The following TCF12 variants were observed in gnomAD, a reference collection of about 807,000 sequenced individuals.
The protein encoded by TCF12 is transcription factor 12.
A neutral mutation model predicts 86.0 loss-of-function variants in TCF12; 45 were observed. That is an observed-to-expected ratio of 0.52 (90% CI 0.41 to 0.67). The LOEUF (loss-of-function observed/expected upper bound fraction) is 0.67. TCF12 is among the 30% of genes least tolerant of loss of function. The pLI, the probability that TCF12 is intolerant of heterozygous loss-of-function variation, is 0.00. For synonymous variants in TCF12, 330 were observed against 299.6 expected (o/e 1.10, Z -1.05); for missense variants, 881 against 859.9 (o/e 1.02, Z -0.31).
Position 57,288,931 on chromosome 15 carries a change from G to A in TCF12, c.*2786G>A, listed in dbSNP as rs553602560. The A allele has an allele frequency of 3.3e-5, 5 of 152,198 alleles. No homozygotes were observed. Among genetic ancestry groups the A allele is most frequent in the African/African-American group, 9.6e-5 (4 of 41,526 alleles). The allele number at this position is 152,198 out of a possible 1,614,324, so 9.4% of individuals were successfully genotyped here. A position where few individuals can be genotyped will look rare whatever the true frequency, so the allele number is the denominator to read the frequency against. ...CTCACAAAAAAAGTGTCATAATTAA[G>A]TAATGGTATTGTTTACTGTTTAAAA... On this transcript the variant is annotated 3_prime_UTR_variant, in exon 21 of 21. Coordinates refer to ENST00000333725, the MANE Select transcript of TCF12 (RefSeq NM_207037.2).
At chr15:57,223,643 G>GTTTT (rs550493641) in intron 8 of TCF12, among the ~76,000 whole-genome samples, 5 of 69,664 alleles carry the variant, frequency 7.2e-5, no homozygotes, top group Admixed American at 1.9e-4. Context: ...TACCAATGAG[G>GTTTT]TTTTTTTTTT....
At chr15:57,138,856 G>A (rs77669380) in intron 5 of TCF12, among the ~76,000 whole-genome samples, 4,825 of 151,242 alleles carry the variant, frequency 0.032, 266 homozygotes, top group African/African-American at 0.11. Context: ...GAAGAGTTTT[G>A]CTGTTACTAA....
chr15:56,962,132 CAAA>C (rs397853683), intron 3 of TCF12, among the ~76,000 whole-genome samples: 17 of 63,014 alleles, frequency 2.7e-4, no homozygotes, highest in East Asian at 1.6e-3. Context: ...GACTCCGTCT[CAAA>C]AAAAAAAAAA....
chr15:57,070,715 GT>G (rs756823845), intron 4 of TCF12, among the ~76,000 whole-genome samples: 2 of 152,144 alleles, frequency 1.3e-5, no homozygotes, highest in African/African-American at 2.4e-5. Flanking sequence ...CCTCTCTATA[GT>G]TTGTAGGTAG....
intron 8 of TCF12, among the ~76,000 whole-genome samples, chr15:57,226,983 C>T (rs2058914461): frequency 6.6e-6 from 1 of 152,102 alleles, no homozygotes; most frequent in South Asian, 2.1e-4. Context: ...TTGGACAATA[C>T]TCATATAAAG....
intron 4 of TCF12, among the ~76,000 whole-genome samples, chr15:57,077,005 A>G (rs1473154700): frequency 6.6e-6 from 1 of 152,004 alleles, no homozygotes; most frequent in Non-Finnish European, 1.5e-5. Context: ...ATTGTGTTTT[A>G]TTGATTTTAT....
chr15:57,254,307 G>C (rs1479360545), intron 16 of TCF12, among the ~76,000 whole-genome samples: 3 of 152,124 alleles, frequency 2.0e-5, no homozygotes, highest in African/African-American at 7.2e-5. Context: ...CTTGTATTCT[G>C]TAAGATAGGG....
Position 57,252,497 on chromosome 15 carries a change from T to C in TCF12, c.1260+5T>C. ...TTCTTAAAGGATGTCTGTGAGGTAC[T>C]ATTTCTTTTAGATGGTGCCTTTTTT... On this transcript the variant is annotated splice_donor_5th_base_variant and intron_variant, in intron 15 of 20. Coordinates refer to ENST00000333725, the MANE Select transcript of TCF12 (RefSeq NM_207037.2). The C allele has an allele frequency of 6.2e-7, 1 of 1,612,328 alleles. No homozygotes were observed. The highest frequency in any genetic ancestry group is 8.5e-7 in the Non-Finnish European group (1 of 1,178,580).
intron 19 of TCF12, 108 bp from the exon 20 acceptor site, chr15:57,282,336 GT>G: frequency 7.7e-7 from 1 of 1,299,380 alleles, no homozygotes; most frequent in Non-Finnish European, 1.1e-6. Flanking sequence ...CTATGTGATG[GT>G]ACTTAGTATG....
At chr15:56,924,891 A>G (rs529849144) in intron 3 of TCF12, among the ~76,000 whole-genome samples, 1 of 152,306 alleles carries the variant, frequency 6.6e-6, no homozygotes, top group South Asian at 2.1e-4. Flanking sequence ...ACTTTTCAGG[A>G]CAATTCCTGA....
chr15:57,193,407 A>G (rs1438076160), intron 7 of TCF12, among the ~76,000 whole-genome samples: 1 of 152,146 alleles, frequency 6.6e-6, no homozygotes, highest in Non-Finnish European at 1.5e-5. Flanking sequence ...TTCAAACCTC[A>G]TTATTTTTTC....
At chr15:57,118,292 TTGTC>T (rs1412213470) in intron 5 of TCF12, 1 of 152,176 alleles carries the variant, frequency 6.6e-6, no homozygotes, top group Admixed American at 6.5e-5. Context: ...GGAAAGAATT[TTGTC>T]TGAGCAAATT....
intron 6 of TCF12, among the ~76,000 whole-genome samples, chr15:57,189,369 T>C (rs2056858540): frequency 6.6e-6 from 1 of 151,888 alleles, no homozygotes; most frequent in Non-Finnish European, 1.5e-5. Flanking sequence ...CCAGAATATA[T>C]AAACAACTCT....
At chr15:57,002,592 T>C (rs1426683185) in intron 3 of TCF12, among the ~76,000 whole-genome samples, 1 of 152,224 alleles carries the variant, frequency 6.6e-6, no homozygotes, top group Non-Finnish European at 1.5e-5. Context: ...AAGACAGTTA[T>C]CGGTCAAGCA....
intron 18 of TCF12, among the ~76,000 whole-genome samples, chr15:57,270,822 C>G (rs1399212102): frequency 6.6e-6 from 1 of 152,220 alleles, no homozygotes; most frequent in Non-Finnish European, 1.5e-5. Context: ...AGACCGGCCC[C>G]TCAGCTGCAC....
chr15:56,968,179 A>G (rs1307031252), intron 3 of TCF12, among the ~76,000 whole-genome samples: 1 of 151,820 alleles, frequency 6.6e-6, no homozygotes, highest in Non-Finnish European at 1.5e-5. Flanking sequence ...CTGGTCTCGA[A>G]CTCCTGACCT....
chr15:57,154,595 A>T (rs2053988833), intron 5 of TCF12, among the ~76,000 whole-genome samples: 1 of 152,086 alleles, frequency 6.6e-6, no homozygotes, highest in Admixed American at 6.6e-5. Context: ...CCTTTTCTGG[A>T]TCTTGCATAC....
intron 3 of TCF12, among the ~76,000 whole-genome samples, chr15:56,933,636 G>T (rs2060342266): frequency 6.6e-6 from 1 of 152,144 alleles, no homozygotes; most frequent in African/African-American, 2.4e-5. Context: ...CTGCCTGAGG[G>T]TGTTGTGATA....
At chr15:57,179,485 G>A (rs1017429463) in intron 6 of TCF12, among the ~76,000 whole-genome samples, 15 of 152,216 alleles carry the variant, frequency 9.9e-5, no homozygotes, top group Middle Eastern at 6.8e-3. Flanking sequence ...AGCCAAGATC[G>A]TGCCATTGCA....
Sources: gnomAD v4.1 joint callset for allele counts (sites outside exome capture counted in the v4.1 genomes callset) on GRCh38, gnomAD v4.1.1 for gene constraint, MANE v1.5 for transcripts, NCBI Gene and HGNC (gene_info 2026-07-23, HGNC 2026-07-21) for gene names.